Variants in GPC2 observed in about 807,000 individuals in gnomAD.
GPC2 encodes glypican 2, also known as glypican-2.
Under a neutral mutation model 57.3 loss-of-function variants are expected in GPC2, and 42 were observed. The ratio of observed to expected loss-of-function variants is 0.73; its 90% CI spans 0.57 to 0.95. GPC2 has a LOEUF of 0.95. GPC2 is among the 40% of genes least tolerant of loss of function. The pLI is 0.00. For synonymous variants in GPC2, 364 were observed against 343.4 expected (o/e 1.06, Z -0.66); for missense variants, 745 against 793.6 (o/e 0.94, Z 0.74).
chr7:100,172,571 T>G (rs1799196325), intron 5 of GPC2, among the ~76,000 whole-genome samples: 1 of 150,112 alleles, frequency 6.7e-6, no homozygotes, highest in South Asian at 2.1e-4. Flanking sequence ...GTTCAAGCGA[T>G]TCTTCTGCCT....
chr7:100,176,553 C>T (rs1584634116), intron 1 of GPC2, among the ~76,000 whole-genome samples, 188 bp from the exon 2 acceptor site: 1 of 152,150 alleles, frequency 6.6e-6, no homozygotes. Flanking sequence ...AGTTCACTCC[C>T]ATTAGCCACG....
chr7:100,171,810 G>C lies in GPC2; in HGVS notation c.1139C>G (p.Thr380Arg), dbSNP rs1387756829. The C allele has an allele frequency of 7.0e-6, 11 of 1,573,270 alleles. No homozygotes were observed. Among genetic ancestry groups the C allele is most frequent in the Non-Finnish European group, 9.4e-6 (11 of 1,168,708 alleles). The change falls in exon 7 of 10, where the codon ACG (threonine) becomes AGG (arginine). Residue 380 changes from threonine to arginine, a missense_variant. Transcript: ENST00000292377. The surrounding 1 kb of genome is among the most constrained non-coding windows in gnomAD (Gnocchi z 4.8). The part of the protein sequence containing the change: ...WSMVTEEERP[T>R]TAAGTNLHRL... The stretch of plus-strand genomic sequence containing the variant: ...GTGCAGGTTGGTGCCTGCGGCCGTC[G>C]TGGGCCGCTCCTCCTCGGTCACCAT...
chr7:100,171,393 T>G lies in GPC2; in HGVS notation c.1354A>C (p.Asn452His), dbSNP rs773561997. The G allele has an allele frequency of 8.8e-5, 133 of 1,515,244 alleles. No individual in the cohort carries two copies. Among genetic ancestry groups the G allele is most frequent in the Non-Finnish European group, 1.1e-4 (129 of 1,132,462 alleles). The allele number at this position is 1,515,244 out of a possible 1,614,324, so 93.9% of individuals were successfully genotyped here. The change falls in exon 9 of 10, where the codon AAC becomes CAC. Residue 452 changes from asparagine (N) to histidine (H), a missense_variant. Asn to His is a moderately conservative substitution (Grantham distance 68). Coordinates refer to ENST00000292377, the MANE Select transcript of GPC2 (RefSeq NM_152742.3). The surrounding 1 kb of genome is among the most constrained non-coding windows in gnomAD (Gnocchi z 4.8). ...GCGTCCACCTTGAGCTCGGGGTTGT[T>G]GACCTGCTCGGCCGGGGAGCCCCCG... The part of the protein sequence containing the change: ...VVGGSPAEQV[N>H]NPELKVDASG...
intron 3 of GPC2, 61 bp from the exon 4 acceptor site, chr7:100,174,826 G>A: frequency 2.4e-6 from 3 of 1,275,608 alleles, no homozygotes; most frequent in Non-Finnish European, 3.4e-6. Context: ...GTCAAGACTG[G>A]AGCCAAGAGA....
chr7:100,172,689 A>ATATATAGTGTATATATATG lies in GPC2; in HGVS notation c.893-473_893-472insCATATATATACACTATATA, dbSNP rs1799200664. Among the ~76,000 whole-genome samples, 11 of 106,654 alleles carry ATATATAGTGTATATATATG rather than the reference A, an allele frequency of 1.0e-4. No individual in the cohort carries two copies. The South Asian group carries it at 1.5e-3, about 15-fold the overall frequency. 70.0% of individuals were successfully genotyped at this position (106,654 alleles called of 152,430 possible). A position where few individuals can be genotyped will look rare whatever the true frequency, so the allele number is the denominator to read the frequency against. On this transcript the variant is annotated intron_variant, in intron 5 of 9. Coordinates refer to ENST00000292377, the MANE Select transcript of GPC2 (RefSeq NM_152742.3). ...TATATATATGTGTGTGTGTGTGTATATATATATACGTGTATATATATGTAT... is the reference window on the plus strand; with the variant it reads ...TATATATATGTGTGTGTGTGTGTATATATATAGTGTATATATATGTATATATACGTGTATATATATGTAT...
At chr7:100,170,736 A>G (rs1304354972) in intron 9 of GPC2, among the ~76,000 whole-genome samples, 1 of 152,034 alleles carries the variant, frequency 6.6e-6, no homozygotes, top group African/African-American at 2.4e-5. Context: ...AAAAAAACAA[A>G]ACAGGCAGAT....
chr7:100,170,534 G>A, intron 9 of GPC2, 51 bp from the exon 10 acceptor site: 1 of 1,394,472 alleles, frequency 7.2e-7, no homozygotes, highest in Non-Finnish European at 9.4e-7. Context: ...AGCAGAGGGA[G>A]ACAGAGGGAG....
At chr7:100,173,764 G>A in intron 5 of GPC2, 71 bp downstream of exon 5, 1 of 1,270,110 alleles carries the variant, frequency 7.9e-7, no homozygotes, top group Middle Eastern at 2.0e-4. Context: ...TCCTGCCTCA[G>A]CCTCTCAAAG....
intron 5 of GPC2, among the ~76,000 whole-genome samples, chr7:100,172,624 C>A (rs1309801916): frequency 1.0e-5 from 1 of 95,654 alleles, no homozygotes; most frequent in Non-Finnish European, 2.2e-5. Flanking sequence ...TGCCACCATG[C>A]CGGCTAATTT....
chr7:100,171,267 C>A lies in GPC2; in HGVS notation c.1480G>T (p.Asp494Tyr). The A allele has an allele frequency of 1.3e-6, 2 of 1,533,044 alleles. No homozygotes were observed. Among genetic ancestry groups the A allele is most frequent in the Non-Finnish European group, 1.8e-6 (2 of 1,138,876 alleles). 95.0% of individuals were successfully genotyped at this position (1,533,044 alleles called of 1,614,324 possible). Residue 494 changes from aspartate to tyrosine, a missense_variant, in exon 9 of 10, where the codon GAC becomes TAC. Transcript: ENST00000292377. This position sits in a 1 kb window ranked among gnomAD's most constrained non-coding sequence, Gnocchi z 4.8. ...AGGGATGCAGGGGTCTCACCCGCGT[C>A]CTGCCCGTCCAGGTCGTGTCCCAGT... ...AALGHDLDGQDADEDASGSGG... is the reference protein window; with the variant it reads ...AALGHDLDGQYADEDASGSGG...
chr7:100,176,320 C>G lies in GPC2; in HGVS notation c.212G>C (p.Ser71Thr). 6.2e-7 allele frequency: 1 copy of G among 1,614,088 alleles called. No homozygotes were observed. The highest frequency in any genetic ancestry group is 8.5e-7 in the Non-Finnish European group (1 of 1,179,970). Reference protein sequence around the residue: ...VCPQEYTCCSSETEQRLIRET... With the variant: ...VCPQEYTCCSTETEQRLIRET... ...CCTGATCAGCCTCTGCTCTGTCTCA[C>G]TGGAACAGCAGGTGTACTCCTGGGG... The change falls in exon 2 of 10, where the codon AGT becomes ACT. Residue 71 changes from serine to threonine, a missense_variant. Around this residue, in one of 2 missense-constraint regions of GPC2, gnomAD observed 138 missense variants for 189.8 expected, o/e 0.73. Transcript: ENST00000292377.
Position 100,171,030 on chromosome 7 carries a change from GTTCT to G in GPC2, c.1486+227_1486+230del. On this transcript the variant is annotated intron_variant, in intron 9 of 9. Coordinates refer to ENST00000292377, the MANE Select transcript of GPC2 (RefSeq NM_152742.3). The surrounding 1 kb of genome is among the most constrained non-coding windows in gnomAD (Gnocchi z 4.8). ...TGCCCATTATAAGGGGCTTCCCACT[GTTCT>G]TTAAGAATGTTTTCGTGTCTCCCCT... is the stretch of plus-strand genomic sequence containing the variant. 2 of 452,322 alleles carry G rather than the reference GTTCT, an allele frequency of 4.4e-6. No individual in the cohort carries two copies. The highest frequency in any genetic ancestry group is 7.7e-6 in the Non-Finnish European group (2 of 259,464). The allele number at this position is 452,322 out of a possible 1,614,324, so 28.0% of individuals were successfully genotyped here. A position where few individuals can be genotyped will look rare whatever the true frequency, so the allele number is the denominator to read the frequency against.
At position 100,171,866 on chromosome 7, in the gene GPC2, C is replaced by A. The variant is rs1463970159; in HGVS notation, c.1083G>T (p.Pro361=). ...ACAGCCGGCCCGCCTCTTCCCGGGG[C>A]GGCGGGGCTCGACGGTTGCGGGCAG... ...PVPARNRRAP[P]PREEAGRLWS... is the part of the protein sequence containing the mutation. The change falls in exon 7 of 10, where the codon CCG becomes CCT. Residue 361 remains proline (P), a synonymous_variant. Coordinates refer to ENST00000292377, the MANE Select transcript of GPC2 (RefSeq NM_152742.3). The surrounding 1 kb of genome is among the most constrained non-coding windows in gnomAD (Gnocchi z 4.8). 2 of 1,535,796 alleles carry A rather than the reference C, an allele frequency of 1.3e-6. No individual in the cohort carries two copies. Among genetic ancestry groups the A allele is most frequent in the East Asian group, 2.4e-5 (1 of 42,038 alleles).
At chr7:100,170,619 G>T in intron 9 of GPC2, 136 bp from the exon 10 acceptor site, 6 of 767,448 alleles carry the variant, frequency 7.8e-6, no homozygotes, top group Middle Eastern at 3.1e-4. Flanking sequence ...GTTGGGGAAG[G>T]GAGAAAGACC....
rs758884555 is a variant in GPC2, at chr7:100,175,893, C to A, written c.327G>T (p.Glu109Asp). 2 of 1,612,882 alleles carry A rather than the reference C, an allele frequency of 1.2e-6. No homozygotes were observed. The highest frequency in any genetic ancestry group is 8.5e-7 in the Non-Finnish European group (1 of 1,179,032). ...CTACTGAGAGCATCTCCAGAAAAAA[C>A]TCTGCAGCAAATGCAGGGAACAGGT... is the stretch of plus-strand genomic sequence containing the variant. ...TLAARHRKFD[E>D]FFLEMLSVAQ... is the part of the protein sequence containing the mutation. Residue 109 changes from glutamate to aspartate, a missense_variant and splice_region_variant, in exon 3 of 10, where the codon GAG becomes GAT. Transcript: ENST00000292377.
intron 4 of GPC2, chr7:100,174,291 AG>A: frequency 2.0e-6 from 1 of 511,090 alleles, no homozygotes; most frequent in Non-Finnish European, 3.5e-6. Flanking sequence ...GCAGAAGGTG[AG>A]GCTGGGAGGT....
chr7:100,174,992 G>A (rs1485696583), intron 3 of GPC2, among the ~76,000 whole-genome samples: 1 of 152,106 alleles, frequency 6.6e-6, no homozygotes, highest in Non-Finnish European at 1.5e-5. Flanking sequence ...GGATTATGTT[G>A]TACAGGGCTT....
chr7:100,177,222 C>CA lies in GPC2; in HGVS notation c.-24dup, dbSNP rs1799317976. 1 of 1,601,288 alleles carries CA rather than the reference C, an allele frequency of 6.2e-7. No homozygotes were observed. Among genetic ancestry groups the CA allele is most frequent in the Admixed American group, 1.7e-5 (1 of 58,828 alleles). The stretch of plus-strand genomic sequence containing the variant: ...CATAACTGCAGCCACCCCAGGACGG[C>CA]AAAGTGGGTCCTAAGGAGGAAAGCA... On this transcript the variant is annotated 5_prime_UTR_variant, in exon 1 of 10. Transcript: ENST00000292377.
rs1291468026 is a variant in GPC2 at position 100,172,190 on chromosome 7, A to G, written c.920T>C (p.Leu307Pro). The G allele has an allele frequency of 6.2e-7, 1 of 1,613,834 alleles. No homozygotes were observed. The highest frequency in any genetic ancestry group is 2.2e-5 in the East Asian group (1 of 44,870). ...CAGCTCAAAGGAAAAGGGGCCCTGG[A>G]GCTTATCAGCCAGGATCAGGAGACC... ...LDGLLILADK[L>P]QGPFSFELTA... The change falls in exon 6 of 10, where the codon CTC becomes CCC. Residue 307 changes from leucine (L) to proline (P), a missense_variant. Physicochemically the swap from Leu to Pro is moderately conservative, Grantham distance 98 (BLOSUM62 -3). This residue lies in a region of GPC2 where 607 missense variants were observed against 603.9 expected (regional missense o/e 1.01). Transcript: ENST00000292377.
Sources: gnomAD v4.1 joint callset for allele counts (sites outside exome capture counted in the v4.1 genomes callset) on GRCh38, gnomAD v4.1.1 for gene constraint, gnomAD v4.1.1 regional missense constraint, Gnocchi (gnomAD v3.1) non-coding constraint, MANE v1.5 for transcripts, NCBI Gene and HGNC (gene_info 2026-07-23, HGNC 2026-07-21) for gene names.